Variants in VTI1A observed in about 807,000 individuals in gnomAD.
VTI1A encodes the protein vesicle transport through interaction with t-SNAREs 1A, also known as vesicle transport through interaction with t-SNAREs homolog 1A.
A neutral mutation model predicts 34.9 loss-of-function variants in VTI1A; 22 were observed. That is an observed-to-expected ratio of 0.63 (90% confidence interval 0.45 to 0.90). The LOEUF (loss-of-function observed/expected upper bound fraction) is 0.90. Ranked by LOEUF, VTI1A falls within the 40% of genes least tolerant of loss-of-function variation. The pLI, the probability that VTI1A is intolerant of heterozygous loss-of-function variation, is 0.00. For missense variants in VTI1A, 268 were observed against 275.6 expected (o/e 0.97, Z 0.20); for synonymous variants, 87 against 97.3 (o/e 0.89, Z 0.62).
chr10:112,629,086 G>A (rs895540050), intron 5 of VTI1A, among the ~76,000 whole-genome samples: 31 of 152,190 alleles, frequency 2.0e-4, no homozygotes, highest in African/African-American at 7.0e-4. Flanking sequence ...TGAATAGACA[G>A]GTGCCTTGCA....
At chr10:112,486,754 GT>G (rs1490414567) in intron 3 of VTI1A, among the ~76,000 whole-genome samples, 1 of 128,942 alleles carries the variant, frequency 7.8e-6, no homozygotes, top group African/African-American at 3.3e-5. Context: ...AACCAATAAT[GT>G]TGCCTACAAT....
intron 7 of VTI1A, among the ~76,000 whole-genome samples, chr10:112,696,012 G>C (rs1271695831): frequency 6.6e-6 from 1 of 151,926 alleles, no homozygotes; most frequent in Admixed American, 6.6e-5. Flanking sequence ...TTTACAAAAA[G>C]AGCTTTCCTT....
chr10:112,771,788 G>A lies in VTI1A; in HGVS notation c.561-43502G>A, dbSNP rs78086322. On this transcript the variant is annotated intron_variant, in intron 7 of 7. Coordinates refer to ENST00000393077, the MANE Select transcript of VTI1A (RefSeq NM_145206.4). ...CCTAATCTGACCATTTCATATAAAT[G>A]GAATCATAGAATATGTGATTTTTTT... Among the ~76,000 whole-genome samples, 799 of 152,212 alleles carry A rather than the reference G, an allele frequency of 5.2e-3. 7 individuals carry two copies. Among genetic ancestry groups the A allele is most frequent in the African/African-American group, 0.018 (757 of 41,524 alleles).
chr10:112,601,837 A>G (rs1018279475), intron 5 of VTI1A, among the ~76,000 whole-genome samples: 2 of 152,184 alleles, frequency 1.3e-5, no homozygotes, highest in African/African-American at 4.8e-5. Context: ...GGGCATTGGG[A>G]AATTAAATAA....
At chr10:112,519,008 A>G (rs530920218) in intron 3 of VTI1A, among the ~76,000 whole-genome samples, 1 of 152,246 alleles carries the variant, frequency 6.6e-6, no homozygotes, top group African/African-American at 2.4e-5. Context: ...CCTAAACATC[A>G]TAGTTTTATT....
intron 5 of VTI1A, among the ~76,000 whole-genome samples, chr10:112,622,197 G>T (rs1484012413): frequency 6.6e-6 from 1 of 152,158 alleles, no homozygotes; most frequent in Non-Finnish European, 1.5e-5. Context: ...CCATAAGCCA[G>T]TCGATATACC....
At chr10:112,687,971 T>TA (rs1284992477) in intron 7 of VTI1A, among the ~76,000 whole-genome samples, 3 of 149,368 alleles carry the variant, frequency 2.0e-5, no homozygotes, top group Admixed American at 6.7e-5. Flanking sequence ...TTTTTTTTTT[T>TA]AAGACTGGGT....
intron 7 of VTI1A, among the ~76,000 whole-genome samples, chr10:112,684,699 A>G (rs1024478958): frequency 1.3e-5 from 2 of 152,090 alleles, no homozygotes; most frequent in African/African-American, 4.8e-5. Flanking sequence ...TCGGCCTCCC[A>G]AAGTGCTGGG....
At chr10:112,450,567 A>G (rs1847201411) in intron 1 of VTI1A, 1 of 152,216 alleles carries the variant, frequency 6.6e-6, no homozygotes, top group South Asian at 2.1e-4. Flanking sequence ...GAGTGGGTAG[A>G]TCTATTGAAA....
At chr10:112,596,433 C>T (rs10736221) in intron 5 of VTI1A, among the ~76,000 whole-genome samples, 126,115 of 152,098 alleles carry the variant, frequency 0.83, 53,014 homozygotes, top group African/African-American at 0.94. Flanking sequence ...ATACCATAAA[C>T]TTATTTGATC....
At chr10:112,658,875 G>T (rs1468549966) in intron 5 of VTI1A, among the ~76,000 whole-genome samples, 1 of 152,168 alleles carries the variant, frequency 6.6e-6, no homozygotes, top group African/African-American at 2.4e-5. Context: ...TCCTGTGATT[G>T]CCAACTGGTT....
chr10:112,646,748 T>TGATCCACCCGCCTCAGCC (rs1456070597), intron 5 of VTI1A, among the ~76,000 whole-genome samples: 3 of 152,014 alleles, frequency 2.0e-5, no homozygotes, highest in African/African-American at 7.2e-5. Context: ...TGACCTCAGG[T>TGATCCACCCGCCTCAGCC]GATCCACCCG....
chr10:112,846,521 C>G, the VTI1A span, among the ~76,000 whole-genome samples: 1 of 152,004 alleles, frequency 6.6e-6, no homozygotes, highest in Admixed American at 6.5e-5. Context: ...AATCCCAGCA[C>G]TTTGGGAGGC....
chr10:112,481,401 C>G (rs1424490884), intron 3 of VTI1A, among the ~76,000 whole-genome samples: 1 of 152,168 alleles, frequency 6.6e-6, no homozygotes, highest in Non-Finnish European at 1.5e-5. Context: ...TGATAGCATA[C>G]GGACTGTCTC....
intron 5 of VTI1A, among the ~76,000 whole-genome samples, chr10:112,544,728 A>G (rs1851011044): frequency 6.6e-6 from 1 of 152,188 alleles, no homozygotes; most frequent in Non-Finnish European, 1.5e-5. Flanking sequence ...TGGTACCAAG[A>G]TGCCATCAGT....
rs1589787197 is a variant in VTI1A, at chr10:112,455,858, C to G, written c.95-4666C>G. On this transcript the variant is annotated intron_variant, in intron 1 of 7. Transcript: ENST00000393077. ...AATGATCTAATTGTGTTAACTCCAC[C>G]TCTATTCCAATTTAATTATTTTTTT... is the stretch of plus-strand genomic sequence containing the variant. Among the ~76,000 whole-genome samples, 6 of 152,148 alleles carry G rather than the reference C, an allele frequency of 3.9e-5. No individual in the cohort carries two copies. The South Asian group carries it at 1.2e-3, about 32-fold the overall frequency.
the VTI1A span, among the ~76,000 whole-genome samples, chr10:112,830,850 T>TATATATATATATA: frequency 1.3e-3 from 38 of 29,770 alleles, no homozygotes; most frequent in African/African-American, 2.8e-3. Flanking sequence ...TATATATATA[T>TATATATATATATA]TTTTTTTTTT....
intron 7 of VTI1A, among the ~76,000 whole-genome samples, chr10:112,701,784 T>C (rs1419007495): frequency 6.6e-6 from 1 of 152,124 alleles, no homozygotes; most frequent in Non-Finnish European, 1.5e-5. Context: ...GTTCCCAAGG[T>C]TAAGAAATGC....
chr10:112,792,217 G>A (rs935001313), intron 7 of VTI1A, among the ~76,000 whole-genome samples: 1 of 152,214 alleles, frequency 6.6e-6, no homozygotes, highest in Non-Finnish European at 1.5e-5. Context: ...AGAGGTTGCA[G>A]TGAGCCGAGA....
Sources: allele counts gnomAD v4.1 joint callset (sites outside exome capture counted in the v4.1 genomes callset), GRCh38; gene constraint gnomAD v4.1.1; transcripts MANE v1.5; gene names NCBI Gene and HGNC (gene_info 2026-07-23, HGNC 2026-07-21).